LRP1B: variants seen among roughly 807,000 people sequenced by gnomAD.
LRP1B encodes LDL receptor related protein 1B, also known as low-density lipoprotein receptor-related protein 1B.
LRP1B carries 217 observed loss-of-function variants against 556.6 expected under a neutral mutation model. That is an observed-to-expected ratio of 0.39 (90% CI 0.35 to 0.44). LRP1B has a LOEUF of 0.44. Among genes scored for constraint, LRP1B ranks in the 20% least tolerant of loss-of-function variants. The probability of loss-of-function intolerance (pLI) is 1.00; values close to 1 mark genes in which losing one functional copy is unlikely to be tolerated. For missense variants in LRP1B, 5,053 were observed against 5,620.8 expected, an observed-to-expected ratio of 0.90 and a Z score of 3.23; for synonymous variants, 2,047 against 1,865.8, an observed-to-expected ratio of 1.10 and a Z score of -2.50.
intron 3 of LRP1B, among the ~76,000 whole-genome samples, chr2:141,362,863 A>G (rs1338074287): frequency 6.6e-6 from 1 of 151,974 alleles, no homozygotes; most frequent in Non-Finnish European, 1.5e-5. Context: ...TCATCTTGGT[A>G]TGTATTTAAT....
intron 77 of LRP1B, among the ~76,000 whole-genome samples, chr2:140,346,701 T>C (rs1681702876): frequency 6.6e-6 from 1 of 151,844 alleles, no homozygotes; most frequent in South Asian, 2.1e-4. Context: ...ACCTATGCAC[T>C]TTGTGTGTGC....
chr2:142,130,073 G>A (rs745605231), intron 1 of LRP1B, among the ~76,000 whole-genome samples: 32 of 152,064 alleles, frequency 2.1e-4, no homozygotes, highest in South Asian at 8.3e-4. Flanking sequence ...AAGCAGGTGC[G>A]TGCGCCCGGA....
chr2:141,188,614 C>T, intron 6 of LRP1B, 31 bp from the exon 7 acceptor site: 1 of 1,597,796 alleles, frequency 6.3e-7, no homozygotes, highest in Non-Finnish European at 8.6e-7. Context: ...ATCATTGAAT[C>T]ACAGGTGCAA....
At position 140,265,882 on chromosome 2, in the gene LRP1B, A is replaced by G. The variant is rs1395076199; in HGVS notation, c.13247+4360T>C. 2.6e-5 allele frequency among the ~76,000 whole-genome samples: 4 copies of G among 151,954 alleles called. No individual in the cohort carries two copies. In the East Asian group the frequency reaches 7.8e-4, roughly 30 times the overall value. ...CTTTTTTATTGTCCAGGGATCATTG[A>G]CACTTTATTTTTAATTTTACTTATA... On this transcript the variant is annotated intron_variant, in intron 86 of 90. Transcript: ENST00000389484.
At position 141,812,909 on chromosome 2, in the gene LRP1B, C is replaced by T. The variant is rs539692358; in HGVS notation, c.83-2508G>A. Reference sequence around the variant, plus strand: ...GTATATAGACTTAAACAATGGATGGCATCATAAAACTTATGATATATAGAT... The same window carrying T: ...GTATATAGACTTAAACAATGGATGGTATCATAAAACTTATGATATATAGAT... On this transcript the variant is annotated intron_variant, in intron 1 of 90. Transcript: ENST00000389484. Among the ~76,000 whole-genome samples, 11 of 151,038 alleles carry T rather than the reference C, an allele frequency of 7.3e-5. No individual in the cohort carries two copies. In the South Asian group the frequency reaches 2.1e-3, roughly 29 times the overall value.
rs1339198055 is a variant in LRP1B, at chr2:140,851,803, T to C, written c.4580-20A>G. ...TGGGAGCTGTAATTACACAGTGAAA[T>C]ATGAACAGTGAAGAAGGAAGAATGT... On this transcript the variant is annotated intron_variant, in intron 27 of 90. Transcript: ENST00000389484. 7.6e-6 allele frequency: 12 copies of C among 1,582,610 alleles called. No homozygotes were observed. Among genetic ancestry groups the C allele is most frequent in the African/African-American group, 2.7e-5 (2 of 72,870 alleles).
intron 53 of LRP1B, among the ~76,000 whole-genome samples, chr2:140,505,823 T>C (rs2104903703): frequency 6.6e-6 from 1 of 152,328 alleles, no homozygotes; most frequent in Non-Finnish European, 1.5e-5. Flanking sequence ...TATGAGCATA[T>C]ATAAAGTTCA....
intron 32 of LRP1B, among the ~76,000 whole-genome samples, chr2:140,806,183 C>T (rs1690707179): frequency 6.6e-6 from 1 of 152,146 alleles, no homozygotes; most frequent in Non-Finnish European, 1.5e-5. Context: ...TGATCTCAGA[C>T]TTCCAGCCTC....
intron 63 of LRP1B, among the ~76,000 whole-genome samples, chr2:140,448,164 A>C (rs1204098044): frequency 6.6e-6 from 1 of 152,136 alleles, no homozygotes; most frequent in East Asian, 1.9e-4. Context: ...AATAGACAAG[A>C]TTGATGCAGC....
At chr2:140,669,658 T>A (rs1410238817) in intron 41 of LRP1B, among the ~76,000 whole-genome samples, 2 of 152,164 alleles carry the variant, frequency 1.3e-5, no homozygotes, top group Non-Finnish European at 2.9e-5. Flanking sequence ...CAGTTTTTTT[T>A]ATACAGAAGA....
chr2:141,535,553 A>G (rs570902947), intron 2 of LRP1B, among the ~76,000 whole-genome samples: 6 of 151,718 alleles, frequency 4.0e-5, no homozygotes, highest in Non-Finnish European at 8.8e-5. Context: ...AAAAAAAAAG[A>G]AGTAAATTGG....
chr2:140,249,941 A>G (rs759387543), intron 86 of LRP1B, among the ~76,000 whole-genome samples: 2 of 151,874 alleles, frequency 1.3e-5, no homozygotes, highest in Non-Finnish European at 2.9e-5. Context: ...CTCCTGTCCA[A>G]TTCCCCGCTG....
chr2:140,484,973 T>C (rs1442362936), intron 59 of LRP1B, among the ~76,000 whole-genome samples: 1 of 152,180 alleles, frequency 6.6e-6, no homozygotes, highest in African/African-American at 2.4e-5. Context: ...TGTCCATATT[T>C]GTGACTACCC....
At chr2:141,225,065 T>C (rs990177281) in intron 6 of LRP1B, among the ~76,000 whole-genome samples, 3 of 152,130 alleles carry the variant, frequency 2.0e-5, no homozygotes. Context: ...GAGGTTCAAA[T>C]AGAACGTAAT....
intron 3 of LRP1B, among the ~76,000 whole-genome samples, chr2:141,264,763 C>T (rs920431735): frequency 1.3e-5 from 2 of 152,112 alleles, no homozygotes; most frequent in Admixed American, 1.3e-4. Flanking sequence ...CCAAGTGGAG[C>T]CTGGAATTTA....
At chr2:140,973,055 TATA>T (rs1696482547) in intron 18 of LRP1B, among the ~76,000 whole-genome samples, 15 of 8,040 alleles carry the variant, frequency 1.9e-3, no homozygotes, top group East Asian at 4.0e-3. Flanking sequence ...TTTCATTTTA[TATA>T]TATATATATA....
intron 2 of LRP1B, among the ~76,000 whole-genome samples, chr2:141,506,737 G>C: frequency 6.6e-6 from 1 of 151,854 alleles, no homozygotes. Flanking sequence ...ATATACAACA[G>C]AAAAAAAAAA....
intron 1 of LRP1B, among the ~76,000 whole-genome samples, chr2:141,897,864 G>A (rs1224529720): frequency 6.6e-6 from 1 of 152,032 alleles, no homozygotes; most frequent in Admixed American, 6.6e-5. Context: ...TTAGCTACAT[G>A]TGCAAAAAGG....
chr2:141,342,785 T>C (rs776313505), intron 3 of LRP1B, among the ~76,000 whole-genome samples: 2 of 152,104 alleles, frequency 1.3e-5, no homozygotes, highest in African/African-American at 2.4e-5. Context: ...TGAAACCAAA[T>C]TGCAAAACAC....
Sources: allele counts gnomAD v4.1 joint callset (sites outside exome capture counted in the v4.1 genomes callset), GRCh38; gene constraint gnomAD v4.1.1; transcripts MANE v1.5; gene names NCBI Gene and HGNC (gene_info 2026-07-23, HGNC 2026-07-21).